The following DNAH12 variants were observed in gnomAD, a reference collection of about 807,000 sequenced individuals.
DNAH12 encodes the protein dynein axonemal heavy chain 12.
Under a neutral mutation model 371.5 loss-of-function variants are expected in DNAH12, and 285 were observed. The observed-to-expected ratio is 0.77, with a 90% CI of 0.70 to 0.85. DNAH12 has a LOEUF of 0.85. DNAH12 is among the 40% of genes least tolerant of loss of function. The pLI is 0.00. For missense variants in DNAH12, 3,611 were observed against 3,689.4 expected, an observed-to-expected ratio of 0.98 and a Z score of 0.55; for synonymous variants, 1,200 against 1,213.0, an observed-to-expected ratio of 0.99 and a Z score of 0.22.
intron 55 of DNAH12, among the ~76,000 whole-genome samples, chr3:57,372,377 T>G: frequency 6.6e-6 from 1 of 151,934 alleles, no homozygotes; most frequent in Non-Finnish European, 1.5e-5. Context: ...GCAGAAGAAA[T>G]GTGAAACCAA....
Position 57,322,371 on chromosome 3 carries a change from A to G in DNAH12, c.10496T>C (p.Phe3499Ser). ...TTCCTTTCCACGGCATCCCTTGAAA[A>G]ACTCAGGATCAGAAACTGGATCAGT... is the stretch of plus-strand genomic sequence containing the variant. ...YLTDPVSDPE[F>S]FKGCRGKELA... The change falls in exon 65 of 74, where the codon TTT becomes TCT. Residue 3499 changes from phenylalanine to serine, a missense_variant. By Grantham distance (155) the Phe-to-Ser change is radical. Around this residue, in one of 3 missense-constraint regions of DNAH12, gnomAD observed 2,266 missense variants for 2,236.9 expected, o/e 1.01. Transcript: ENST00000495027. 1 of 1,551,682 alleles carries G rather than the reference A, an allele frequency of 6.4e-7. No individual in the cohort carries two copies. Among genetic ancestry groups the G allele is most frequent in the Non-Finnish European group, 8.7e-7 (1 of 1,146,940 alleles).
At chr3:57,505,892 G>A (rs1037243707) in intron 8 of DNAH12, among the ~76,000 whole-genome samples, 4 of 152,020 alleles carry the variant, frequency 2.6e-5, no homozygotes, top group Non-Finnish European at 4.4e-5. Context: ...CAATAGGCAT[G>A]AGCCACCATT....
intron 25 of DNAH12, among the ~76,000 whole-genome samples, chr3:57,447,264 T>C (rs2065535913): frequency 6.6e-6 from 1 of 152,212 alleles, no homozygotes; most frequent in Non-Finnish European, 1.5e-5. Context: ...TTACGTACAT[T>C]CTTTTTTCTC....
intron 6 of DNAH12, among the ~76,000 whole-genome samples, chr3:57,508,774 T>C (rs112663809): frequency 2.0e-5 from 3 of 152,176 alleles, no homozygotes; most frequent in African/African-American, 4.8e-5. Flanking sequence ...TAAGGCAGAG[T>C]GATGGGCCAG....
upstream of DNAH12, among the ~76,000 whole-genome samples, chr3:57,546,663 G>A (rs1025097478): frequency 2.6e-5 from 4 of 152,132 alleles, no homozygotes; most frequent in East Asian, 7.7e-4. Context: ...ATTTGGTTAG[G>A]CTAAATTAGA....
At chr3:57,396,719 G>T (rs1189314868) in intron 43 of DNAH12, among the ~76,000 whole-genome samples, 4 of 152,212 alleles carry the variant, frequency 2.6e-5, no homozygotes, top group African/African-American at 9.6e-5. Context: ...TTACAGGTCT[G>T]TTCTACCACA....
rs553154623 is a variant in DNAH12 at position 57,502,361 on chromosome 3, C to T, written c.1205G>A (p.Arg402Gln). The change falls in exon 10 of 74, where the codon CGG (arginine) becomes CAG (glutamine). Residue 402 changes from arginine (R) to glutamine (Q), a missense_variant. By Grantham distance (43) the Arg-to-Gln change is conservative. This residue lies in a region of DNAH12 where 1,314 missense variants were observed against 1,398.7 expected (regional missense o/e 0.94). Transcript: ENST00000495027. ...AVDTLKAAVHRNLEGARKHYE... is the reference protein window; with the variant it reads ...AVDTLKAAVHQNLEGARKHYE... ...ATGCTTTCTTGCACCTTCTAAGTTC[C>T]GATGTACTGCTGCCTTCAGTGTATC... The T allele has an allele frequency of 5.3e-5, 85 of 1,614,078 alleles. No homozygotes were observed. In the Admixed American group the frequency reaches 1.0e-3, roughly 19 times the overall value.
intron 32 of DNAH12, among the ~76,000 whole-genome samples, chr3:57,430,194 A>G (rs2064914797): frequency 6.6e-6 from 1 of 152,208 alleles, no homozygotes; most frequent in South Asian, 2.1e-4. Flanking sequence ...CCCAGCTCAT[A>G]GATTTAATCA....
intron 4 of DNAH12, among the ~76,000 whole-genome samples, chr3:57,522,061 TA>T: frequency 6.6e-6 from 1 of 151,640 alleles, no homozygotes; most frequent in African/African-American, 2.4e-5. Flanking sequence ...CCATCTCTAT[TA>T]AAAATACAAA....
intron 57 of DNAH12, among the ~76,000 whole-genome samples, 173 bp downstream of exon 57, chr3:57,366,556 C>A (rs1017875156): frequency 6.6e-6 from 1 of 152,084 alleles, no homozygotes; most frequent in Non-Finnish European, 1.5e-5. Context: ...CAATATAACA[C>A]GGTTGGCTTA....
At position 57,295,524 on chromosome 3, in the gene DNAH12, C is replaced by G. The variant is rs1325151372; in HGVS notation, c.11692+1G>C. 25 of 1,546,180 alleles carry G rather than the reference C, an allele frequency of 1.6e-5. No individual in the cohort carries two copies. The highest frequency in any genetic ancestry group is 2.0e-5 in the Non-Finnish European group (23 of 1,144,146). Reference sequence around the variant, plus strand: ...ATAAATTTTGTTGAGAGAATATTTACTTGGTTTTATCCATATGATGGGCAT... The same window carrying G: ...ATAAATTTTGTTGAGAGAATATTTAGTTGGTTTTATCCATATGATGGGCAT... On this transcript the variant is annotated splice_donor_variant, in intron 73 of 73. Coordinates refer to ENST00000495027, the MANE Select transcript of DNAH12 (RefSeq NM_001366028.2). LOFTEE classifies it high-confidence loss of function.
At chr3:57,319,070 A>T (rs2061747327) in intron 65 of DNAH12, among the ~76,000 whole-genome samples, 1 of 152,104 alleles carries the variant, frequency 6.6e-6, no homozygotes, top group South Asian at 2.1e-4. Flanking sequence ...TTTTCAGTGT[A>T]TATATCTTTC....
chr3:57,518,080 A>G (rs1029548562), intron 4 of DNAH12, among the ~76,000 whole-genome samples: 1 of 151,464 alleles, frequency 6.6e-6, no homozygotes, highest in African/African-American at 2.4e-5. Context: ...AAAAAAAAAA[A>G]CTTTCTATAT....
At chr3:57,443,155 G>A (rs565661056) in intron 29 of DNAH12, among the ~76,000 whole-genome samples, 2 of 152,166 alleles carry the variant, frequency 1.3e-5, no homozygotes, top group African/African-American at 4.8e-5. Flanking sequence ...TGTCGCACAG[G>A]CTGGAGTGCA....
intron 13 of DNAH12, among the ~76,000 whole-genome samples, chr3:57,475,483 T>C (rs919177721): frequency 6.6e-6 from 1 of 152,182 alleles, no homozygotes; most frequent in African/African-American, 2.4e-5. Context: ...AATAAAAAGA[T>C]ACCTAATAAT....
chr3:57,526,920 C>T (rs945376376), intron 2 of DNAH12, among the ~76,000 whole-genome samples: 4 of 151,860 alleles, frequency 2.6e-5, no homozygotes, highest in Non-Finnish European at 5.9e-5. Flanking sequence ...CTGCAACCTC[C>T]GCCTCCCAGG....
chr3:57,544,072 A>G (rs1302717536), intron 1 of DNAH12, 125 bp downstream of exon 1: 1 of 152,252 alleles, frequency 6.6e-6, no homozygotes, highest in Non-Finnish European at 1.5e-5. Context: ...TGTGATAACA[A>G]CTATATTTGC....
chr3:57,404,862 CA>C (rs2063977429), intron 42 of DNAH12, 106 bp downstream of exon 42: 1 of 1,034,036 alleles, frequency 9.7e-7, no homozygotes, highest in Non-Finnish European at 1.3e-6. Flanking sequence ...ATAATGGGTA[CA>C]AAGTCATTCA....
rs945800016 is a variant in DNAH12 at position 57,382,388 on chromosome 3, G to A, written c.7866C>T (p.Ala2622=). 15 of 151,854 alleles carry A rather than the reference G, an allele frequency of 9.9e-5. No homozygotes were observed. The East Asian group carries it at 1.9e-3, about 20-fold the overall frequency. 9.4% of individuals were successfully genotyped at this position (151,854 alleles called of 1,614,324 possible). ...TCATTGATTTCACAATCGTAATGTC[G>A]GCTGGCTAAAAGAAAAAAACAAAAA... ...ALSALDTLKP[A]DITIVKSMKN... Residue 2622 remains alanine, a synonymous_variant, in exon 50 of 74, where the codon GCC becomes GCT. Transcript: ENST00000495027.
Sources: gnomAD v4.1 joint callset for allele counts (sites outside exome capture counted in the v4.1 genomes callset) on GRCh38, gnomAD v4.1.1 for gene constraint, gnomAD v4.1.1 regional missense constraint, MANE v1.5 for transcripts, NCBI Gene and HGNC (gene_info 2026-07-23, HGNC 2026-07-21) for gene names.